The following CSMD1 variants were observed in gnomAD, a reference collection of about 807,000 sequenced individuals.
The protein encoded by CSMD1 is CUB and Sushi multiple domains 1, also known as CUB and sushi domain-containing protein 1.
CSMD1 carries 213 observed loss-of-function variants against 417.5 expected under a neutral mutation model. That is an observed-to-expected ratio of 0.51 (90% CI 0.46 to 0.57). The LOEUF is 0.57. CSMD1 is among the 20% of genes least tolerant of loss of function. The probability of loss-of-function intolerance (pLI) is 0.00; values close to 1 mark genes in which losing one functional copy is unlikely to be tolerated. For missense variants in CSMD1, 6,923 were observed against 4,529.7 expected (o/e 1.53, Z -15.17); for synonymous variants, 2,862 against 1,736.8 (o/e 1.65, Z -16.11).
intron 39 of CSMD1, among the ~76,000 whole-genome samples, chr8:3,152,525 C>A (rs1245980446): frequency 6.6e-6 from 1 of 152,082 alleles, no homozygotes; most frequent in Non-Finnish European, 1.5e-5. Context: ...CTTTTTTAAT[C>A]ATCATCAAGA....
At chr8:3,520,931 T>G (rs1049900418) in intron 10 of CSMD1, among the ~76,000 whole-genome samples, 6 of 152,122 alleles carry the variant, frequency 3.9e-5, no homozygotes, top group African/African-American at 1.2e-4. Context: ...TTGGGATGAT[T>G]GTTGGTTCCT....
chr8:3,666,374 G>C (rs903807314), intron 7 of CSMD1, among the ~76,000 whole-genome samples: 1 of 152,176 alleles, frequency 6.6e-6, no homozygotes, highest in African/African-American at 2.4e-5. Context: ...ATATTCAGTA[G>C]AGTTCAAGTA....
intron 7 of CSMD1, among the ~76,000 whole-genome samples, chr8:3,648,871 A>C (rs894569446): frequency 6.6e-6 from 1 of 152,194 alleles, no homozygotes; most frequent in African/African-American, 2.4e-5. Context: ...GACTCAGTTC[A>C]GCAGTTTCTG....
chr8:3,785,735 G>C (rs1010925902), intron 5 of CSMD1, among the ~76,000 whole-genome samples: 1 of 152,166 alleles, frequency 6.6e-6, no homozygotes, highest in Non-Finnish European at 1.5e-5. Context: ...CCAGGGTGCG[G>C]GGAGCCAGGA....
chr8:3,566,582 T>A (rs967507077), intron 10 of CSMD1, among the ~76,000 whole-genome samples: 1 of 118,314 alleles, frequency 8.5e-6, no homozygotes, highest in Non-Finnish European at 2.0e-5. Context: ...AGAACTTAGA[T>A]TTTCAAGAAA....
chr8:3,363,310 T>C (rs1309736335), intron 20 of CSMD1, among the ~76,000 whole-genome samples: 2 of 152,160 alleles, frequency 1.3e-5, no homozygotes, highest in South Asian at 2.1e-4. Context: ...TGAAAAGTCA[T>C]GGTACCATTG....
intron 3 of CSMD1, among the ~76,000 whole-genome samples, chr8:4,357,504 G>C (rs1237535490): frequency 6.6e-6 from 1 of 151,988 alleles, no homozygotes; most frequent in Non-Finnish European, 1.5e-5. Context: ...TTTATCCACA[G>C]TTCCTCTGCA....
intron 21 of CSMD1, among the ~76,000 whole-genome samples, chr8:3,351,474 G>C (rs7830257): frequency 0.07 from 10,638 of 151,886 alleles, 413 homozygotes; most frequent in Middle Eastern, 0.13. Context: ...AGCTAGGCGT[G>C]GTGGCACATG....
intron 5 of CSMD1, among the ~76,000 whole-genome samples, chr8:3,776,154 T>G (rs191523017): frequency 3.9e-5 from 6 of 152,270 alleles, no homozygotes; most frequent in African/African-American, 1.4e-4. Context: ...CATCTGCACA[T>G]CATACGGATC....
chr8:3,153,698 G>A (rs1819338502), intron 39 of CSMD1, among the ~76,000 whole-genome samples: 1 of 152,156 alleles, frequency 6.6e-6, no homozygotes, highest in African/African-American at 2.4e-5. Context: ...CCTGCAGGAG[G>A]GGCTGGCCCA....
intron 3 of CSMD1, among the ~76,000 whole-genome samples, chr8:4,302,277 G>C (rs571941396): frequency 9.8e-5 from 15 of 152,308 alleles, no homozygotes; most frequent in African/African-American, 3.6e-4. Context: ...AAATAGGTAA[G>C]AGATATCCTT....
intron 1 of CSMD1, among the ~76,000 whole-genome samples, chr8:4,957,809 C>G (rs1328449642): frequency 6.6e-6 from 1 of 152,126 alleles, no homozygotes; most frequent in Non-Finnish European, 1.5e-5. Context: ...GGTGTACTAG[C>G]TAAGTAGGTG....
In CSMD1 at chr8:4,389,482, C is replaced by T. The variant is rs185755369; in HGVS notation, c.415+30471G>A. Among the ~76,000 whole-genome samples the T allele has an allele frequency of 9.4e-4, 143 of 151,832 alleles. No individual in the cohort carries two copies. The Middle Eastern group carries it at 0.01, about 11-fold the overall frequency. ...TAATTTGGTTAGTGCTTTTTTTTCT[C>T]AGAAATGTAAAAGAAAAATACAAAG... On this transcript the variant is annotated intron_variant, in intron 3 of 69. Coordinates refer to ENST00000635120, the MANE Select transcript of CSMD1 (RefSeq NM_033225.6).
At chr8:4,556,175 T>C (rs1798076948) in intron 2 of CSMD1, among the ~76,000 whole-genome samples, 1 of 152,200 alleles carries the variant, frequency 6.6e-6, no homozygotes, top group Non-Finnish European at 1.5e-5. Context: ...GTATTAATTC[T>C]TTTGAATTTA....
chr8:3,705,368 C>A (rs957312391), intron 7 of CSMD1, among the ~76,000 whole-genome samples: 2 of 152,184 alleles, frequency 1.3e-5, no homozygotes, highest in African/African-American at 4.8e-5. Context: ...TACCCTGGTG[C>A]TTCCCACGGG....
intron 69 of CSMD1, among the ~76,000 whole-genome samples, chr8:2,942,058 T>A (rs1350697000): frequency 6.6e-6 from 1 of 152,186 alleles, no homozygotes; most frequent in Non-Finnish European, 1.5e-5. Flanking sequence ...CAACAAAAAA[T>A]CTTGACAAAT....
At chr8:4,424,137 G>A (rs1406321878) in intron 2 of CSMD1, among the ~76,000 whole-genome samples, 1 of 152,024 alleles carries the variant, frequency 6.6e-6, no homozygotes, top group Non-Finnish European at 1.5e-5. Flanking sequence ...GGGCTAGACA[G>A]AGTTTCTATG....
At chr8:4,782,440 T>C (rs1011836264) in intron 1 of CSMD1, among the ~76,000 whole-genome samples, 2 of 152,194 alleles carry the variant, frequency 1.3e-5, no homozygotes, top group Admixed American at 6.5e-5. Flanking sequence ...TTTATTTTCA[T>C]TACATATAGA....
At chr8:4,251,675 G>C (rs1450647758) in intron 3 of CSMD1, among the ~76,000 whole-genome samples, 1 of 152,142 alleles carries the variant, frequency 6.6e-6, no homozygotes, top group Non-Finnish European at 1.5e-5. Context: ...TCTGGGATTG[G>C]TGGGGAGCAA....
Sources: gnomAD v4.1 joint callset for allele counts (sites outside exome capture counted in the v4.1 genomes callset) on GRCh38, gnomAD v4.1.1 for gene constraint, MANE v1.5 for transcripts, NCBI Gene and HGNC (gene_info 2026-07-23, HGNC 2026-07-21) for gene names.